The following PTPRD variants were observed in gnomAD, a reference collection of about 807,000 sequenced individuals.
PTPRD encodes receptor-type tyrosine-protein phosphatase delta.
In PTPRD, 34 loss-of-function variants were observed where a neutral mutation model predicts 214.5. The observed-to-expected ratio is 0.16, with a 90% CI of 0.12 to 0.21. The LOEUF is 0.21. PTPRD is among the 10% of genes least tolerant of loss of function. PTPRD has a pLI of 1.00. For missense variants in PTPRD, 2,545 were observed against 2,398.7 expected (o/e 1.06, Z -1.27); for synonymous variants, 1,128 against 845.7 (o/e 1.33, Z -5.79).
intron 11 of PTPRD, among the ~76,000 whole-genome samples, chr9:9,008,286 T>C (rs1433061223): frequency 6.6e-6 from 1 of 151,256 alleles, no homozygotes; most frequent in Non-Finnish European, 1.5e-5. Flanking sequence ...TGGAGTCCAG[T>C]GGCCGATCTT....
chr9:9,706,764 G>A (rs2097621835), intron 7 of PTPRD, among the ~76,000 whole-genome samples: 1 of 151,914 alleles, frequency 6.6e-6, no homozygotes, highest in Non-Finnish European at 1.5e-5. Context: ...AAACTCCATT[G>A]AGTATCCAAA....
chr9:9,829,250 G>A (rs2054013051), intron 5 of PTPRD, among the ~76,000 whole-genome samples: 1 of 151,732 alleles, frequency 6.6e-6, no homozygotes, highest in Non-Finnish European at 1.5e-5. Flanking sequence ...CTACAGTGAT[G>A]TTCGTCTTCT....
chr9:10,071,750 A>C (rs987690350), intron 3 of PTPRD, among the ~76,000 whole-genome samples: 7 of 152,126 alleles, frequency 4.6e-5, no homozygotes, highest in African/African-American at 1.4e-4. Context: ...CACCATAAGA[A>C]TGGTGCATAT....
At chr9:8,589,869 G>A (rs984689280) in intron 14 of PTPRD, among the ~76,000 whole-genome samples, 4 of 152,100 alleles carry the variant, frequency 2.6e-5, no homozygotes, top group African/African-American at 2.4e-5. Flanking sequence ...CAGTGGCTAC[G>A]TTCAATTTCA....
chr9:10,066,007 A>G (rs2097874463), intron 3 of PTPRD, among the ~76,000 whole-genome samples: 1 of 151,962 alleles, frequency 6.6e-6, no homozygotes, highest in African/African-American at 2.4e-5. Context: ...TCATTCACAA[A>G]TGTTCAGATT....
At chr9:10,523,761 T>C (rs2053344582) in intron 2 of PTPRD, among the ~76,000 whole-genome samples, 1 of 151,006 alleles carries the variant, frequency 6.6e-6, no homozygotes, top group African/African-American at 2.4e-5. Flanking sequence ...CTTTTGAAAA[T>C]AAATGATGTG....
At chr9:8,404,944 C>T (rs889794955) in intron 35 of PTPRD, among the ~76,000 whole-genome samples, 1 of 152,184 alleles carries the variant, frequency 6.6e-6, no homozygotes. Context: ...TTTTACTTTT[C>T]CATTTCCCTC....
chr9:8,598,963 C>T (rs763536038), intron 14 of PTPRD, among the ~76,000 whole-genome samples: 4 of 152,140 alleles, frequency 2.6e-5, no homozygotes, highest in South Asian at 2.1e-4. Context: ...AAAAATGATA[C>T]GGTTTGTCTG....
intron 2 of PTPRD, among the ~76,000 whole-genome samples, chr9:10,408,155 C>T (rs918174823): frequency 1.3e-5 from 2 of 151,480 alleles, no homozygotes; most frequent in Non-Finnish European, 3.0e-5. Context: ...TCCGACTTAT[C>T]TGAAAACAAG....
In PTPRD at chr9:9,374,962, G is replaced by C. The variant is rs568567286; in HGVS notation, c.-203+22487C>G. ...GGCTTGATATAAAAGACTTTTTAAAGAATTGGATATCATGAGCAAAAATAT... is the reference window on the plus strand; with the variant it reads ...GGCTTGATATAAAAGACTTTTTAAACAATTGGATATCATGAGCAAAAATAT... On this transcript the variant is annotated intron_variant, in intron 9 of 45. Transcript: ENST00000381196. Among the ~76,000 whole-genome samples, 4 of 152,256 alleles carry C rather than the reference G, an allele frequency of 2.6e-5. No individual in the cohort carries two copies. The East Asian group carries it at 7.7e-4, about 29-fold the overall frequency.
rs992330349 is a variant in PTPRD, at chr9:9,431,371, T to C, written c.-236-33889A>G. Among the ~76,000 whole-genome samples, 24 of 152,220 alleles carry C rather than the reference T, an allele frequency of 1.6e-4. 1 individual carries two copies. Among genetic ancestry groups the C allele is most frequent in the African/African-American group, 5.8e-4 (24 of 41,548 alleles). On this transcript the variant is annotated intron_variant, in intron 8 of 45. Transcript: ENST00000381196. ...ACAATGAGATACCATCTCACACCAG[T>C]TAGAATGGCGATCATTAAAAAGTCA...
intron 12 of PTPRD, among the ~76,000 whole-genome samples, chr9:8,731,700 G>C (rs995799712): frequency 6.6e-6 from 1 of 152,186 alleles, no homozygotes; most frequent in African/African-American, 2.4e-5. Flanking sequence ...TCTTCTGGTA[G>C]ATTGCAAATG....
rs959295207 is a variant in PTPRD at position 8,327,059 on chromosome 9, T to G, written c.5534+4523A>C. On this transcript the variant is annotated intron_variant, in intron 44 of 45. Transcript: ENST00000381196. ...CAGTTCTGTAGTGTTCTTAGTTATTTCTTGTCTTCTGTTAGCTTTTGAATT... is the reference window on the plus strand; with the variant it reads ...CAGTTCTGTAGTGTTCTTAGTTATTGCTTGTCTTCTGTTAGCTTTTGAATT... Among the ~76,000 whole-genome samples, 7 of 148,894 alleles carry G rather than the reference T, an allele frequency of 4.7e-5. No homozygotes were observed. In the Admixed American group the frequency reaches 4.9e-4, roughly 10 times the overall value.
At chr9:8,741,323 T>G (rs1183957660) in intron 11 of PTPRD, among the ~76,000 whole-genome samples, 1 of 152,134 alleles carries the variant, frequency 6.6e-6, no homozygotes, top group East Asian at 1.9e-4. Flanking sequence ...TTTCTTTCAG[T>G]TATTACTGCA....
In PTPRD at chr9:9,604,766, G is replaced by A. The variant is rs202114776; in HGVS notation, c.-286-29985C>T. Among the ~76,000 whole-genome samples, 14 of 151,850 alleles carry A rather than the reference G, an allele frequency of 9.2e-5. No homozygotes were observed. In the East Asian group the frequency reaches 2.3e-3, roughly 25 times the overall value. On this transcript the variant is annotated intron_variant, in intron 7 of 45. Coordinates refer to ENST00000381196, the MANE Select transcript of PTPRD (RefSeq NM_002839.4). ...AAAGTCAAACATCATCCATTTCTAT[G>A]GCTAAAAGTTTACATTTTTGTTTTT...
At chr9:9,191,099 G>T (rs570481464) in intron 9 of PTPRD, among the ~76,000 whole-genome samples, 1 of 152,242 alleles carries the variant, frequency 6.6e-6, no homozygotes, top group African/African-American at 2.4e-5. Flanking sequence ...ATGGCAAGTT[G>T]CCGATTAGAT....
chr9:9,724,704 A>G (rs1416228239), intron 7 of PTPRD, among the ~76,000 whole-genome samples: 1 of 152,174 alleles, frequency 6.6e-6, no homozygotes, highest in African/African-American at 2.4e-5. Context: ...TTCTTGCCTG[A>G]TATTGTTGTA....
chr9:9,631,928 T>A (rs867086117), intron 7 of PTPRD, among the ~76,000 whole-genome samples: 1 of 152,178 alleles, frequency 6.6e-6, no homozygotes, highest in African/African-American at 2.4e-5. Flanking sequence ...TGATACTAAT[T>A]CTCTCTAAGA....
intron 3 of PTPRD, among the ~76,000 whole-genome samples, chr9:10,269,479 A>C (rs2094297139): frequency 6.6e-6 from 1 of 152,166 alleles, no homozygotes; most frequent in African/African-American, 2.4e-5. Context: ...GGTTGCTTTC[A>C]TCATTATACA....
Sources: allele counts gnomAD v4.1 joint callset (sites outside exome capture counted in the v4.1 genomes callset), GRCh38; gene constraint gnomAD v4.1.1; transcripts MANE v1.5; gene names NCBI Gene and HGNC (gene_info 2026-07-23, HGNC 2026-07-21).